The following SETD1A variants were observed in gnomAD, a reference collection of about 807,000 sequenced individuals.
The protein encoded by SETD1A is histone-lysine N-methyltransferase SETD1A.
In SETD1A, 29 loss-of-function variants were observed where a neutral mutation model predicts 149.9. The ratio of observed to expected loss-of-function variants is 0.19; its 90% confidence interval spans 0.14 to 0.26. The LOEUF (loss-of-function observed/expected upper bound fraction) is 0.26, where lower values mean the gene tolerates loss of function less well. Among genes scored for constraint, SETD1A ranks in the 10% least tolerant of loss-of-function variants. SETD1A has a pLI of 1.00. For synonymous variants in SETD1A, 1,141 were observed against 968.5 expected (o/e 1.18, Z -3.31); for missense variants, 2,109 against 2,353.1 (o/e 0.90, Z 2.15).
At chr16:30,977,407 C>T (rs766511471) in intron 13 of SETD1A, among the ~76,000 whole-genome samples, 4 of 152,188 alleles carry the variant, frequency 2.6e-5, no homozygotes, top group Non-Finnish European at 4.4e-5. Flanking sequence ...TAGAGCAGTT[C>T]TCAGAGGAAG....
chr16:30,959,839 C>T (rs184310554), intron 3 of SETD1A, among the ~76,000 whole-genome samples: 1 of 151,990 alleles, frequency 6.6e-6, no homozygotes, highest in East Asian at 1.9e-4. Flanking sequence ...TTGATGACTT[C>T]CAAGTATCTG....
chr16:30,979,971 C>G lies in SETD1A; in HGVS notation c.4185C>G (p.Arg1395=). 1 of 1,518,956 alleles carries G rather than the reference C, an allele frequency of 6.6e-7. No individual in the cohort carries two copies. Among genetic ancestry groups the G allele is most frequent in the Non-Finnish European group, 8.8e-7 (1 of 1,137,416 alleles). The allele number at this position is 1,518,956 out of a possible 1,614,324, so 94.1% of individuals were successfully genotyped here. The change falls in exon 14 of 19, where the codon CGC becomes CGG. Residue 1395 remains arginine (R), a synonymous_variant. Coordinates refer to ENST00000262519, the MANE Select transcript of SETD1A (RefSeq NM_014712.3). ...GEGALRRRSL[R]SHARRRRPPP... ...GCGCCCTCCGGAGGCGCAGCCTCCG[C>G]TCCCACGCCCGGCGCCGCCGCCCTC...
intron 13 of SETD1A, 30 bp downstream of exon 13, chr16:30,971,749 G>T (rs374491574): frequency 4.6e-6 from 7 of 1,525,604 alleles, no homozygotes; most frequent in African/African-American, 4.2e-5. Flanking sequence ...CGGTTAGATC[G>T]CTGTGTGTGT....
chr16:30,979,930 A>G lies in SETD1A; in HGVS notation c.4144A>G (p.Ser1382Gly), dbSNP rs2056345769. ...GGAGGAGTCCTCTGACAGCAGCAGC[A>G]GCAGCGATGGGGAGGGCGCCCTCCG... is the stretch of plus-strand genomic sequence containing the variant. Reference protein sequence around the residue: ...EEEESSDSSSSSDGEGALRRR... With the variant: ...EEEESSDSSSGSDGEGALRRR... The change falls in exon 14 of 19, where the codon AGC (serine) becomes GGC (glycine). Residue 1382 changes from serine (S) to glycine (G), a missense_variant. Physicochemically the swap from Ser to Gly is moderately conservative, Grantham distance 56. Around this residue, in one of 8 missense-constraint regions of SETD1A, gnomAD observed 832 missense variants for 815.6 expected, o/e 1.02. Transcript: ENST00000262519. 1 of 1,534,398 alleles carries G rather than the reference A, an allele frequency of 6.5e-7. No individual in the cohort carries two copies. The highest frequency in any genetic ancestry group is 1.4e-5 in the African/African-American group (1 of 72,714).
chr16:30,981,242 C>T (rs925260147), intron 17 of SETD1A, 62 bp downstream of exon 17: 1 of 1,598,510 alleles, frequency 6.3e-7, no homozygotes, highest in African/African-American at 1.3e-5. Context: ...TGGGGGCTCA[C>T]ACACATGCTG....
In SETD1A at chr16:30,969,192, G is replaced by A. The variant is rs1428387518; in HGVS notation, c.2771-113G>A. 15 of 1,087,700 alleles carry A rather than the reference G, an allele frequency of 1.4e-5. No individual in the cohort carries two copies. In the Admixed American group the frequency reaches 3.7e-4, roughly 27 times the overall value. The allele number at this position is 1,087,700 out of a possible 1,614,324, so 67.4% of individuals were successfully genotyped here. The stretch of plus-strand genomic sequence containing the variant: ...CTGGTGAGCTTCCAAATTCTCATCT[G>A]TGAAATGAAGACCATCAGGAAGATT... On this transcript the variant is annotated intron_variant, in intron 10 of 18. Transcript: ENST00000262519.
At chr16:30,973,563 G>A (rs1827611904) in intron 13 of SETD1A, among the ~76,000 whole-genome samples, 2 of 152,154 alleles carry the variant, frequency 1.3e-5, no homozygotes, top group African/African-American at 2.4e-5. Context: ...ATCGAGGCAC[G>A]AGAATCGCTT....
At chr16:30,974,636 G>C (rs1400670529) in intron 13 of SETD1A, among the ~76,000 whole-genome samples, 2 of 152,184 alleles carry the variant, frequency 1.3e-5, no homozygotes, top group Non-Finnish European at 2.9e-5. Context: ...GGTTCAGACT[G>C]AAGCCAAGTT....
chr16:30,968,974 C>T (rs577382807), intron 10 of SETD1A, among the ~76,000 whole-genome samples: 2 of 151,642 alleles, frequency 1.3e-5, no homozygotes, highest in South Asian at 4.2e-4. Context: ...GGTATGATTG[C>T]ATGCCCCTGT....
In SETD1A at chr16:30,966,280, A is replaced by G; in HGVS notation, c.2399A>G (p.Gln800Arg). 6.2e-7 allele frequency: 1 copy of G among 1,613,944 alleles called. No individual in the cohort carries two copies. ...TVGRVLAMLV[Q>R]EMKSIMQRDL... ...GGCCGTGTGCTCGCCATGCTGGTCCAGGAGATGAAGAGCATCATGCAGCGA... is the reference window on the plus strand; with the variant it reads ...GGCCGTGTGCTCGCCATGCTGGTCCGGGAGATGAAGAGCATCATGCAGCGA... Residue 800 changes from glutamine (Q) to arginine (R), a missense_variant, in exon 8 of 19, where the codon CAG becomes CGG. Physicochemically the swap from Gln to Arg is conservative, Grantham distance 43. This residue lies in a region of SETD1A where 22 missense variants were observed against 51.3 expected (regional missense o/e 0.43). Coordinates refer to ENST00000262519, the MANE Select transcript of SETD1A (RefSeq NM_014712.3).
intron 3 of SETD1A, 62 bp downstream of exon 3, chr16:30,959,248 C>T: frequency 1.9e-6 from 2 of 1,052,640 alleles, no homozygotes; most frequent in East Asian, 2.4e-5. Flanking sequence ...TGCGTCTTGG[C>T]ACTATAGCTG....
At position 30,983,700 on chromosome 16, in the gene SETD1A, G is replaced by A; in HGVS notation, c.4878G>A (p.Arg1626=). 2.5e-6 allele frequency: 4 copies of A among 1,614,070 alleles called. No homozygotes were observed. Among genetic ancestry groups the A allele is most frequent in the Non-Finnish European group, 2.5e-6 (3 of 1,179,980 alleles). The part of the protein sequence containing the change: ...QEGIGSSYLF[R]VDHDTIIDAT... The stretch of plus-strand genomic sequence containing the variant: ...GCATTGGCAGCAGCTACCTGTTCCG[G>A]GTGGACCACGACACCATCATCGATG... The change falls in exon 18 of 19, where the codon CGG becomes CGA. Residue 1626 remains arginine, a synonymous_variant. Transcript: ENST00000262519. This position sits in a 1 kb window ranked among gnomAD's most constrained non-coding sequence, Gnocchi z 6.8.
rs763056400 is a variant in SETD1A at position 30,979,740 on chromosome 16, G to A, written c.3954G>A (p.Pro1318=). 25 of 1,598,808 alleles carry A rather than the reference G, an allele frequency of 1.6e-5. No homozygotes were observed. The highest frequency in any genetic ancestry group is 4.5e-5 in the East Asian group (2 of 44,830). The change falls in exon 14 of 19, where the codon CCG becomes CCA. Residue 1318 remains proline, a synonymous_variant. Transcript: ENST00000262519. ...CCCCTGCGCCAGCCCTGCGGCCCCC[G>A]GAGCCAGTGCCCGCACCCGCCGCCC... ...PTPPAPALRP[P]EPVPAPAALF...
In SETD1A at chr16:30,977,454, A is replaced by G. The variant is rs74015056; in HGVS notation, c.3359-1691A>G. On this transcript the variant is annotated intron_variant, in intron 13 of 18. Coordinates refer to ENST00000262519, the MANE Select transcript of SETD1A (RefSeq NM_014712.3). ...CATATTGACTGGGCAGGTGCCCCCA[A>G]AAGTTGTCTCCTAAATGAGAGGGAT... is the stretch of plus-strand genomic sequence containing the variant. 6.8e-3 allele frequency among the ~76,000 whole-genome samples: 1,033 copies of G among 152,284 alleles called. 9 individuals are homozygous for G. Among genetic ancestry groups the G allele is most frequent in the African/African-American group, 0.024 (977 of 41,558 alleles).
chr16:30,958,720 A>C lies in SETD1A; in HGVS notation c.-12A>C. On this transcript the variant is annotated 5_prime_UTR_variant, in exon 2 of 19. It removes the in-frame stop codon of an upstream open reading frame in the 5' UTR. Transcript: ENST00000262519. ...CGTGTCCCTCTTCCCCTAACAGTGT[A>C]AATGAGCAAAGATGGATCAGGAAGG... The C allele has an allele frequency of 6.2e-7, 1 of 1,614,026 alleles. No individual in the cohort carries two copies. Among genetic ancestry groups the C allele is most frequent in the Non-Finnish European group, 8.5e-7 (1 of 1,179,914 alleles).
intron 3 of SETD1A, among the ~76,000 whole-genome samples, chr16:30,959,594 C>G (rs1241485338): frequency 2.6e-5 from 4 of 152,292 alleles, no homozygotes; most frequent in Admixed American, 2.6e-4. Flanking sequence ...TCATTTCCCT[C>G]TTGTTTCCTT....
rs756131003 is a variant in SETD1A, at chr16:30,964,984, C to G, written c.1242C>G (p.Pro414=). Residue 414 remains proline (P), a synonymous_variant, in exon 7 of 19, where the codon CCC becomes CCG. Coordinates refer to ENST00000262519, the MANE Select transcript of SETD1A (RefSeq NM_014712.3). ...RFPPSYTSYL[P]PEPSRPTDQD... ...CACCTTCTTACACCTCCTACCTGCC[C>G]CCCGAGCCCAGCCGGCCCACCGACC... 1.2e-6 allele frequency: 2 copies of G among 1,614,050 alleles called. No homozygotes were observed. Among genetic ancestry groups the G allele is most frequent in the South Asian group, 2.2e-5 (2 of 91,074 alleles).
chr16:30,959,219 C>T (rs1318282328), intron 3 of SETD1A, 33 bp downstream of exon 3: 10 of 1,365,914 alleles, frequency 7.3e-6, no homozygotes, highest in African/African-American at 4.3e-5. Context: ...GTGTGGTAGT[C>T]CTAAGAGGGT....
chr16:30,969,757 T>C, intron 12 of SETD1A, 68 bp downstream of exon 12: 1 of 1,282,668 alleles, frequency 7.8e-7, no homozygotes, highest in Non-Finnish European at 1.1e-6. Flanking sequence ...CTAGCCCTTT[T>C]CTGAGCCCAC....
Sources: gnomAD v4.1 joint callset for allele counts (sites outside exome capture counted in the v4.1 genomes callset) on GRCh38, gnomAD v4.1.1 for gene constraint, gnomAD v4.1.1 regional missense constraint, Gnocchi (gnomAD v3.1) non-coding constraint, MANE v1.5 for transcripts, NCBI Gene and HGNC (gene_info 2026-07-23, HGNC 2026-07-21) for gene names.